NREP: variants seen among roughly 807,000 people sequenced by gnomAD.
The protein encoded by NREP is neuronal regeneration-related protein.
Under a neutral mutation model 8.6 loss-of-function variants are expected in NREP, and 5 were observed. That is an observed-to-expected ratio of 0.58 (90% confidence interval 0.30 to 1.22). NREP has a LOEUF of 1.22. NREP is among the 50% of genes most tolerant of loss of function. The pLI is 0.07. For missense variants in NREP, 86 were observed against 82.5 expected (o/e 1.04, Z -0.17); for synonymous variants, 27 against 28.0 (o/e 0.96, Z 0.11).
At chr5:111,825,950 C>T (rs1330879754) in intron 2 of NREP, among the ~76,000 whole-genome samples, 2 of 149,334 alleles carry the variant, frequency 1.3e-5, no homozygotes, top group African/African-American at 2.5e-5. Flanking sequence ...TCTTTTTGCT[C>T]GTTTGGATTT....
At chr5:111,863,619 G>A (rs186298585) in intron 2 of NREP, among the ~76,000 whole-genome samples, 172 of 151,968 alleles carry the variant, frequency 1.1e-3, no homozygotes, top group Middle Eastern at 3.4e-3. Context: ...GAGAAATGGC[G>A]GCCAGAGAAA....
chr5:111,841,161 T>C (rs1488770367), intron 2 of NREP, among the ~76,000 whole-genome samples: 1 of 152,178 alleles, frequency 6.6e-6, no homozygotes, highest in Non-Finnish European at 1.5e-5. Flanking sequence ...AGGGTCCTAC[T>C]GGGTATCTGG....
chr5:111,794,792 G>A (rs977806289), intron 2 of NREP, among the ~76,000 whole-genome samples: 1 of 152,244 alleles, frequency 6.6e-6, no homozygotes, highest in Non-Finnish European at 1.5e-5. Flanking sequence ...CGTAGAATGT[G>A]CAGCACCAGG....
chr5:111,976,024 T>C (rs1756950978), intron 1 of NREP, among the ~76,000 whole-genome samples: 1 of 152,182 alleles, frequency 6.6e-6, no homozygotes, highest in Admixed American at 6.5e-5. Flanking sequence ...GTGAAACCTT[T>C]TTATAATGAT....
intron 2 of NREP, among the ~76,000 whole-genome samples, chr5:111,869,721 A>G (rs1215963933): frequency 1.3e-5 from 2 of 152,194 alleles, no homozygotes; most frequent in East Asian, 3.9e-4. Context: ...GAGAAGCATT[A>G]TGGAGTAAAG....
intron 2 of NREP, among the ~76,000 whole-genome samples, chr5:111,829,107 AAAC>A (rs1382055799): frequency 2.0e-5 from 3 of 152,198 alleles, no homozygotes; most frequent in Non-Finnish European, 2.9e-5. Context: ...GGAAAAAAAA[AAAC>A]AAAAACATAT....
At chr5:111,789,254 T>G (rs1228425440) in intron 2 of NREP, among the ~76,000 whole-genome samples, 3 of 152,210 alleles carry the variant, frequency 2.0e-5, no homozygotes, top group Non-Finnish European at 4.4e-5. Flanking sequence ...AATTGCAGCT[T>G]TTTTTCTTTC....
chr5:111,745,878 G>A (rs1749969108), intron 2 of NREP, among the ~76,000 whole-genome samples: 2 of 152,164 alleles, frequency 1.3e-5, no homozygotes. Context: ...TTTAATTAAT[G>A]TATTAGAAAT....
At chr5:111,967,134 A>G (rs541719267) in intron 2 of NREP, among the ~76,000 whole-genome samples, 6 of 152,190 alleles carry the variant, frequency 3.9e-5, no homozygotes, top group Non-Finnish European at 8.8e-5. Context: ...ACAGCCCCCT[A>G]ACAATAAAAC....
chr5:111,917,442 C>T (rs1465517579), intron 2 of NREP, among the ~76,000 whole-genome samples: 3 of 152,050 alleles, frequency 2.0e-5, no homozygotes, highest in Non-Finnish European at 4.4e-5. Context: ...CTGCTGAACA[C>T]CAATGCAAAA....
chr5:111,802,977 G>A (rs958351927), intron 2 of NREP, among the ~76,000 whole-genome samples: 2 of 152,188 alleles, frequency 1.3e-5, no homozygotes, highest in African/African-American at 4.8e-5. Flanking sequence ...CTGATTGACT[G>A]CAAATAACTA....
Position 111,765,315 on chromosome 5 carries a change from C to T in NREP, c.136-29808G>A, listed in dbSNP as rs191024850. Among the ~76,000 whole-genome samples the T allele has an allele frequency of 4.6e-5, 7 of 152,302 alleles. No individual in the cohort carries two copies. The East Asian group carries it at 1.2e-3, about 25-fold the overall frequency. ...TAATGCTTGCTCACCCACCACTTAC[C>T]TCCCGCTGTATGGCCTGGTTCCTAA... is the stretch of plus-strand genomic sequence containing the variant. On this transcript the variant is annotated intron_variant, in intron 2 of 3. Coordinates refer to the NREP transcript ENST00000395634.
At chr5:111,775,121 G>C (rs1408782780) in intron 2 of NREP, among the ~76,000 whole-genome samples, 2 of 152,088 alleles carry the variant, frequency 1.3e-5, no homozygotes, top group East Asian at 1.9e-4. Flanking sequence ...TAACTCCTGG[G>C]CTCAAGCAGT....
intron 2 of NREP, among the ~76,000 whole-genome samples, chr5:111,948,557 A>G (rs549977155): frequency 6.6e-6 from 1 of 152,222 alleles, no homozygotes; most frequent in South Asian, 2.1e-4. Flanking sequence ...CCCAGTAGAG[A>G]CAAAAACAAG....
At chr5:111,786,763 A>G (rs1483452344) in intron 2 of NREP, among the ~76,000 whole-genome samples, 1 of 152,206 alleles carries the variant, frequency 6.6e-6, no homozygotes, top group Non-Finnish European at 1.5e-5. Flanking sequence ...ATCAATGTTA[A>G]TCTTCCTTGG....
chr5:111,924,536 A>G (rs1347435423), intron 2 of NREP, among the ~76,000 whole-genome samples: 1 of 152,050 alleles, frequency 6.6e-6, no homozygotes, highest in African/African-American at 2.4e-5. Context: ...AGCAAAGTAT[A>G]GGGATTAGGG....
At chr5:111,879,079 G>A (rs556210433) in intron 2 of NREP, among the ~76,000 whole-genome samples, 1 of 152,320 alleles carries the variant, frequency 6.6e-6, no homozygotes, top group Admixed American at 6.5e-5. Context: ...CTTCCGCATA[G>A]TAATGAGTTC....
chr5:111,779,787 A>G (rs1751449854), intron 2 of NREP, among the ~76,000 whole-genome samples: 1 of 152,222 alleles, frequency 6.6e-6, no homozygotes, highest in African/African-American at 2.4e-5. Context: ...TAGGCTTTGG[A>G]AAGGCAACTC....
chr5:111,772,234 A>G (rs182085150), intron 2 of NREP, among the ~76,000 whole-genome samples: 156 of 152,306 alleles, frequency 1.0e-3, no homozygotes, highest in African/African-American at 3.5e-3. Flanking sequence ...TAAAATTATC[A>G]TCTCAATCAC....
Sources: gnomAD v4.1 joint callset for allele counts (sites outside exome capture counted in the v4.1 genomes callset) on GRCh38, gnomAD v4.1.1 for gene constraint, MANE v1.5 for transcripts, NCBI Gene and HGNC (gene_info 2026-07-23, HGNC 2026-07-21) for gene names.